Variants in CPPED1 observed in about 807,000 individuals in gnomAD.
The protein encoded by CPPED1 is calcineurin like phosphoesterase domain containing 1.
A neutral mutation model predicts 28.0 loss-of-function variants in CPPED1; 28 were observed. The observed-to-expected ratio is 1.00, with a 90% confidence interval of 0.74 to 1.37. CPPED1 has a LOEUF of 1.37. Ranked by LOEUF, CPPED1 falls within the 40% of genes most tolerant of loss-of-function variation. CPPED1 has a pLI of 0.00. For missense variants in CPPED1, 504 were observed against 416.5 expected (o/e 1.21, Z -1.83); for synonymous variants, 198 against 180.2 (o/e 1.10, Z -0.79).
intron 1 of CPPED1, among the ~76,000 whole-genome samples, chr16:12,792,678 C>A (rs1324280148): frequency 3.3e-5 from 5 of 152,064 alleles, no homozygotes; most frequent in Admixed American, 2.6e-4. Context: ...ATCATGGGGG[C>A]TGGTCTTTCC....
At chr16:12,667,150 C>A (rs953929562) in intron 3 of CPPED1, among the ~76,000 whole-genome samples, 3 of 152,072 alleles carry the variant, frequency 2.0e-5, no homozygotes, top group African/African-American at 7.2e-5. Flanking sequence ...AAAAACACCC[C>A]TTACTCACAT....
At chr16:12,699,621 C>T (rs1242458841) in intron 3 of CPPED1, among the ~76,000 whole-genome samples, 1 of 152,138 alleles carries the variant, frequency 6.6e-6, no homozygotes, top group Non-Finnish European at 1.5e-5. Flanking sequence ...GTTTTACCTC[C>T]ACGGTGGTTT....
intron 3 of CPPED1, among the ~76,000 whole-genome samples, chr16:12,683,823 T>C (rs1567274903): frequency 6.6e-6 from 1 of 152,228 alleles, no homozygotes. Flanking sequence ...TGTGCTTAAC[T>C]ATGATTTATC....
intron 2 of CPPED1, among the ~76,000 whole-genome samples, chr16:12,779,006 A>G (rs866363771): frequency 9.9e-5 from 15 of 152,224 alleles, no homozygotes; most frequent in African/African-American, 2.9e-4. Flanking sequence ...TGTTTAATGT[A>G]TATTCAGTGT....
intron 1 of CPPED1, among the ~76,000 whole-genome samples, chr16:12,788,813 T>C (rs1429495745): frequency 1.3e-5 from 2 of 152,166 alleles, no homozygotes; most frequent in East Asian, 1.9e-4. Context: ...TCTTGATAAA[T>C]GGGCTGTACA....
At chr16:12,703,967 C>A (rs904928446) in intron 3 of CPPED1, among the ~76,000 whole-genome samples, 1 of 152,046 alleles carries the variant, frequency 6.6e-6, no homozygotes, top group Non-Finnish European at 1.5e-5. Context: ...ATATCACTGG[C>A]AGCAAAAGAT....
chr16:12,760,367 C>A (rs1262290315), intron 2 of CPPED1: 1 of 152,168 alleles, frequency 6.6e-6, no homozygotes, highest in Non-Finnish European at 1.5e-5. Flanking sequence ...TTGCCCTTCA[C>A]AGGTAGAAAC....
rs140702598 is a variant in CPPED1, at chr16:12,769,270, A to C, written c.289+11915T>G. Among the ~76,000 whole-genome samples, 623 of 152,330 alleles carry C rather than the reference A, an allele frequency of 4.1e-3. 6 individuals are homozygous for C. Among genetic ancestry groups the C allele is most frequent in the Middle Eastern group, 0.02 (6 of 294 alleles). On this transcript the variant is annotated intron_variant, in intron 2 of 3. Transcript: ENST00000381774. ...AATTATTACTATATCCAATAATTTA[A>C]AAAATATTTTGATAACCGTATTTCA...
intron 2 of CPPED1, among the ~76,000 whole-genome samples, chr16:12,749,529 T>C (rs2080313501): frequency 6.6e-6 from 1 of 152,212 alleles, no homozygotes; most frequent in South Asian, 2.1e-4. Context: ...ATGACTGGAA[T>C]CGACTTCTTC....
At chr16:12,729,300 A>T (rs1567288550) in intron 2 of CPPED1, among the ~76,000 whole-genome samples, 1 of 152,170 alleles carries the variant, frequency 6.6e-6, no homozygotes, top group Non-Finnish European at 1.5e-5. Context: ...TATTAATATT[A>T]CAAGGTTAAT....
chr16:12,703,004 C>T (rs1342265027), intron 3 of CPPED1, among the ~76,000 whole-genome samples: 1 of 127,888 alleles, frequency 7.8e-6, no homozygotes, highest in African/African-American at 3.1e-5. Context: ...AAGAGCGGGA[C>T]TCCGTCTCAA....
At chr16:12,775,363 C>T (rs893960915) in intron 2 of CPPED1, among the ~76,000 whole-genome samples, 3 of 152,206 alleles carry the variant, frequency 2.0e-5, no homozygotes, top group African/African-American at 7.2e-5. Flanking sequence ...CTAAGACACA[C>T]ATTTTCACCA....
intron 3 of CPPED1, among the ~76,000 whole-genome samples, chr16:12,698,844 A>G (rs2080005717): frequency 6.6e-6 from 1 of 152,228 alleles, no homozygotes; most frequent in African/African-American, 2.4e-5. Context: ...GAAATGACTC[A>G]TTAACTTTTG....
rs2079849601 is a variant in CPPED1 at position 12,670,863 on chromosome 16, T to C, written c.716-5748A>G. On this transcript the variant is annotated intron_variant, in intron 3 of 3. Transcript: ENST00000381774. This position sits in a 1 kb window ranked among gnomAD's most constrained non-coding sequence, Gnocchi z 4.2. ...TAATTATTTATTTATTTTTAATATA[T>C]TTTTTGAGGTGGAGTCTCACTGTGA... is the stretch of plus-strand genomic sequence containing the variant. Among the ~76,000 whole-genome samples the C allele has an allele frequency of 6.6e-6, 1 of 152,210 alleles. No homozygotes were observed. Among genetic ancestry groups the C allele is most frequent in the South Asian group, 2.1e-4 (1 of 4,826 alleles).
At chr16:12,725,118 G>C (rs1303021221) in intron 2 of CPPED1, among the ~76,000 whole-genome samples, 2 of 152,066 alleles carry the variant, frequency 1.3e-5, no homozygotes, top group Non-Finnish European at 2.9e-5. Context: ...TTGAGATGGA[G>C]TCTTACTCTG....
At chr16:12,778,864 A>G (rs1039105012) in intron 2 of CPPED1, among the ~76,000 whole-genome samples, 1 of 152,220 alleles carries the variant, frequency 6.6e-6, no homozygotes, top group Non-Finnish European at 1.5e-5. Flanking sequence ...CCAAGTCTCC[A>G]GAACAAATTA....
At chr16:12,714,767 G>A (rs909703805) in intron 2 of CPPED1, among the ~76,000 whole-genome samples, 2 of 151,732 alleles carry the variant, frequency 1.3e-5, no homozygotes, top group East Asian at 3.9e-4. Flanking sequence ...TTTTGATAAT[G>A]TCCTTTGAGG....
At chr16:12,698,163 G>T (rs189295972) in intron 3 of CPPED1, among the ~76,000 whole-genome samples, 1 of 152,112 alleles carries the variant, frequency 6.6e-6, no homozygotes, top group Non-Finnish European at 1.5e-5. Flanking sequence ...AAGTGATACG[G>T]ATATTACCTG....
intron 3 of CPPED1, among the ~76,000 whole-genome samples, chr16:12,676,685 C>T (rs1022594961): frequency 6.6e-6 from 1 of 152,154 alleles, no homozygotes; most frequent in Non-Finnish European, 1.5e-5. Flanking sequence ...GACCTAAACA[C>T]ATCCTTAATT....
Sources: gnomAD v4.1 joint callset for allele counts (sites outside exome capture counted in the v4.1 genomes callset) on GRCh38, gnomAD v4.1.1 for gene constraint, Gnocchi (gnomAD v3.1) non-coding constraint, MANE v1.5 for transcripts, NCBI Gene and HGNC (gene_info 2026-07-23, HGNC 2026-07-21) for gene names.